The following FCHO2 variants were observed in gnomAD, a reference collection of about 807,000 sequenced individuals.
The protein encoded by FCHO2 is F-BAR domain only protein 2.
In FCHO2, 43 loss-of-function variants were observed where a neutral mutation model predicts 114.1. The observed-to-expected ratio is 0.38, with a 90% CI of 0.30 to 0.49. The LOEUF (loss-of-function observed/expected upper bound fraction) is 0.49, where lower values mean the gene tolerates loss of function less well. FCHO2 is among the 20% of genes least tolerant of loss of function. FCHO2 has a pLI of 0.97. For synonymous variants in FCHO2, 293 were observed against 315.2 expected (o/e 0.93, Z 0.75); for missense variants, 807 against 950.4 (o/e 0.85, Z 1.98).
rs989137641 is a variant in FCHO2 at position 73,051,335 on chromosome 5, T to C, written c.940-14T>C. On this transcript the variant is annotated splice_polypyrimidine_tract_variant and intron_variant, in intron 11 of 25. Coordinates refer to ENST00000430046, the MANE Select transcript of FCHO2 (RefSeq NM_138782.3). ...TGGAGTTGTCATTATAATTTTTTTT[T>C]CTTTTTCCCTTAGAACATTCCTGAT... The C allele has an allele frequency of 1.3e-6, 2 of 1,505,736 alleles. No homozygotes were observed. Among genetic ancestry groups the C allele is most frequent in the African/African-American group, 2.8e-5 (2 of 71,142 alleles). The allele number at this position is 1,505,736 out of a possible 1,614,324, so 93.3% of individuals were successfully genotyped here. A position where few individuals can be genotyped will look rare whatever the true frequency, so the allele number is the denominator to read the frequency against.
intron 10 of FCHO2, among the ~76,000 whole-genome samples, chr5:73,038,749 A>C (rs759196870): frequency 6.6e-6 from 1 of 152,226 alleles, no homozygotes; most frequent in South Asian, 2.1e-4. Context: ...ATAGTTATCA[A>C]ATCTTCTGCA....
chr5:72,961,948 C>T (rs1253171941), intron 1 of FCHO2, among the ~76,000 whole-genome samples: 1 of 152,142 alleles, frequency 6.6e-6, no homozygotes, highest in Admixed American at 6.5e-5. Flanking sequence ...AACATACACT[C>T]CACTAGGTTA....
At position 73,009,191 on chromosome 5, in the gene FCHO2, GA is replaced by G. The variant is rs542186450; in HGVS notation, c.600+2645del. 2.6e-3 allele frequency among the ~76,000 whole-genome samples: 391 copies of G among 152,336 alleles called. 1 individual carries two copies. Among genetic ancestry groups the G allele is most frequent in the Non-Finnish European group, 4.4e-3 (298 of 68,030 alleles). On this transcript the variant is annotated intron_variant, in intron 6 of 25. Transcript: ENST00000430046. Reference sequence around the variant, plus strand: ...ATAAGGCTTCAAGTCTAGTGAGATAGAAAGTTGCAATTTCTGTAGCAACTGA... The same window carrying G: ...ATAAGGCTTCAAGTCTAGTGAGATAGAAGTTGCAATTTCTGTAGCAACTGA...
At chr5:73,085,683 G>A (rs1369174790) in intron 24 of FCHO2, among the ~76,000 whole-genome samples, 2 of 152,094 alleles carry the variant, frequency 1.3e-5, no homozygotes, top group Non-Finnish European at 2.9e-5. Flanking sequence ...GCTGAGGCAC[G>A]AGTCTAGCTT....
chr5:72,968,873 G>T (rs1752350829), intron 2 of FCHO2, among the ~76,000 whole-genome samples: 1 of 152,136 alleles, frequency 6.6e-6, no homozygotes, highest in Non-Finnish European at 1.5e-5. Context: ...ATATAATACA[G>T]TTGAGAAGTT....
chr5:73,043,089 C>T (rs1343965845), intron 11 of FCHO2, among the ~76,000 whole-genome samples: 4 of 152,010 alleles, frequency 2.6e-5, no homozygotes, highest in African/African-American at 9.7e-5. Context: ...TCACCATGCC[C>T]AGCTGATTTC....
intron 5 of FCHO2, among the ~76,000 whole-genome samples, chr5:72,993,873 C>T (rs976161094): frequency 6.6e-6 from 1 of 152,172 alleles, no homozygotes; most frequent in Non-Finnish European, 1.5e-5. Context: ...CTGACAAAAA[C>T]AAGCAATGGG....
intron 1 of FCHO2, among the ~76,000 whole-genome samples, chr5:72,961,481 T>C (rs980726061): frequency 2.1e-4 from 32 of 152,190 alleles, no homozygotes; most frequent in African/African-American, 7.2e-4. Flanking sequence ...ACTTTATACA[T>C]TAAGAGATTT....
intron 18 of FCHO2, 137 bp downstream of exon 18, chr5:73,064,081 G>C (rs1182910360): frequency 4.2e-6 from 3 of 714,368 alleles, no homozygotes; most frequent in South Asian, 1.9e-5. Flanking sequence ...AATTTTCCCA[G>C]CTAGTGCTTC....
Position 73,024,967 on chromosome 5 carries a change from A to G in FCHO2, c.796+7659A>G, listed in dbSNP as rs114528838. Among the ~76,000 whole-genome samples the G allele has an allele frequency of 4.0e-3, 615 of 152,280 alleles. 3 individuals carry two copies. Among genetic ancestry groups the G allele is most frequent in the African/African-American group, 0.014 (600 of 41,564 alleles). ...ACGAAGTCATGTAGAAAATACTTAC[A>G]GCTAGATGGTAGGAGGTAATAGGGA... On this transcript the variant is annotated intron_variant, in intron 8 of 25. Coordinates refer to ENST00000430046, the MANE Select transcript of FCHO2 (RefSeq NM_138782.3).
chr5:73,042,021 TC>T (rs111818826), intron 11 of FCHO2, among the ~76,000 whole-genome samples: 1 of 152,144 alleles, frequency 6.6e-6, no homozygotes, highest in Non-Finnish European at 1.5e-5. Context: ...TTTCCTTTGA[TC>T]CCAAAACATT....
chr5:72,956,123 T>G lies in FCHO2; in HGVS notation c.27T>G (p.Asn9Lys). The change falls in exon 1 of 26, where the codon AAT becomes AAG. Residue 9 changes from asparagine to lysine, a missense_variant. Transcript: ENST00000430046. Reference sequence around the variant, plus strand: ...TGGTCATGGCGTATTTCGTCGAGAATTTTTGGGTAAGCTTAGGATGTTGGA... The same window carrying G: ...TGGTCATGGCGTATTTCGTCGAGAAGTTTTGGGTAAGCTTAGGATGTTGGA... The part of the protein sequence containing the change: MVMAYFVE[N>K]FWGEKNSGFD... 1.3e-6 allele frequency: 2 copies of G among 1,540,578 alleles called. No individual in the cohort carries two copies. Among genetic ancestry groups the G allele is most frequent in the Non-Finnish European group, 1.8e-6 (2 of 1,142,596 alleles).
chr5:73,077,563 C>A, intron 21 of FCHO2, 70 bp downstream of exon 21: 1 of 1,460,392 alleles, frequency 6.8e-7, no homozygotes, highest in Non-Finnish European at 9.1e-7. Context: ...TGCACAGTGG[C>A]TCACGCCTGT....
chr5:72,989,684 A>G (rs1481731060), intron 3 of FCHO2, among the ~76,000 whole-genome samples, 183 bp downstream of exon 3: 2 of 152,210 alleles, frequency 1.3e-5, no homozygotes, highest in African/African-American at 4.8e-5. Flanking sequence ...TGAATCAGTC[A>G]ATGCAGTCAA....
chr5:73,054,381 A>G (rs1006769750), intron 14 of FCHO2, 144 bp from the exon 15 acceptor site: 16 of 855,166 alleles, frequency 1.9e-5, no homozygotes, highest in Middle Eastern at 3.5e-4. Context: ...TTTTTTCTCT[A>G]TATCTTTTAT....
chr5:73,034,654 C>A lies in FCHO2; in HGVS notation c.797-3C>A. 6.3e-7 allele frequency: 1 copy of A among 1,589,044 alleles called. No individual in the cohort carries two copies. Among genetic ancestry groups the A allele is most frequent in the South Asian group, 1.2e-5 (1 of 84,804 alleles). ...AGAAGTTTTTCAATTTCTTTTTTTC[C>A]AGGCCTCATTGAATTTGAAGAATGT... is the stretch of plus-strand genomic sequence containing the variant. On this transcript the variant is annotated splice_region_variant and splice_polypyrimidine_tract_variant and intron_variant, in intron 8 of 25. Transcript: ENST00000430046.
chr5:72,997,306 A>C (rs1754172534), intron 5 of FCHO2: 1 of 1,548,274 alleles, frequency 6.5e-7, no homozygotes, highest in Non-Finnish European at 8.9e-7. Context: ...TGTTTATAGC[A>C]AGCATGGAGA....
Position 73,026,553 on chromosome 5 carries a change from T to C in FCHO2, c.797-8104T>C, listed in dbSNP as rs142906198. Among the ~76,000 whole-genome samples, 543 of 152,362 alleles carry C rather than the reference T, an allele frequency of 3.6e-3. 5 individuals carry two copies. The highest frequency in any genetic ancestry group is 0.013 in the African/African-American group (528 of 41,588). ...CCAATTTTATTTTTAGTCAGTTATC[T>C]ATTGAAAGATACAACCTGTCAGTTT... On this transcript the variant is annotated intron_variant, in intron 8 of 25. Coordinates refer to ENST00000430046, the MANE Select transcript of FCHO2 (RefSeq NM_138782.3).
At chr5:72,964,369 T>C (rs1370503751) in intron 1 of FCHO2, among the ~76,000 whole-genome samples, 1 of 152,116 alleles carries the variant, frequency 6.6e-6, no homozygotes, top group East Asian at 1.9e-4. Flanking sequence ...TCTGACTGCC[T>C]ATTCTACATA....
Sources: allele counts gnomAD v4.1 joint callset (sites outside exome capture counted in the v4.1 genomes callset), GRCh38; gene constraint gnomAD v4.1.1; transcripts MANE v1.5; gene names NCBI Gene and HGNC (gene_info 2026-07-23, HGNC 2026-07-21).